The following AARS1 variants were observed in gnomAD, a reference collection of about 807,000 sequenced individuals.
AARS1 encodes the protein alanyl-tRNA synthetase 1.
A neutral mutation model predicts 108.9 loss-of-function variants in AARS1; 72 were observed. The observed-to-expected ratio is 0.66, with a 90% CI of 0.55 to 0.80. AARS1 has a LOEUF of 0.80. AARS1 is among the 30% of genes least tolerant of loss of function. AARS1 has a pLI of 0.00. For synonymous variants in AARS1, 489 were observed against 465.7 expected, an observed-to-expected ratio of 1.05 and a Z score of -0.64; for missense variants, 1,193 against 1,233.2, an observed-to-expected ratio of 0.97 and a Z score of 0.49.
At position 70,261,031 on chromosome 16, in the gene AARS1, T is replaced by C. The variant is rs1216638832; in HGVS notation, c.1785+13A>G. 1 of 1,598,584 alleles carries C rather than the reference T, an allele frequency of 6.3e-7. No homozygotes were observed. The highest frequency in any genetic ancestry group is 8.6e-7 in the Non-Finnish European group (1 of 1,166,506). ...TAACCAGATCCAATGGGGGCCACAG[T>C]AACCCAACTCACCTCATCAATAAAC... On this transcript the variant is annotated intron_variant, in intron 13 of 20. Coordinates refer to ENST00000261772, the MANE Select transcript of AARS1 (RefSeq NM_001605.3).
chr16:70,254,447 G>A, intron 17 of AARS1, 174 bp downstream of exon 17: 1 of 654,580 alleles, frequency 1.5e-6, no homozygotes, highest in South Asian at 1.7e-5. Context: ...AATGTCCAGG[G>A]TCCAAGGACA....
chr16:70,258,696 G>A (rs561549908), intron 14 of AARS1, among the ~76,000 whole-genome samples: 42 of 152,230 alleles, frequency 2.8e-4, no homozygotes, highest in Non-Finnish European at 5.3e-4. Context: ...CTCCTGAGTA[G>A]CTGGGACTAC....
chr16:70,271,925 C>T lies in AARS1; in HGVS notation c.527G>A (p.Trp176Ter). 6.2e-7 allele frequency: 1 copy of T among 1,614,126 alleles called. No individual in the cohort carries two copies. Among genetic ancestry groups the T allele is most frequent in the Non-Finnish European group, 8.5e-7 (1 of 1,180,030 alleles). The change falls in exon 5 of 21, where the codon TGG (tryptophan) becomes TAG (stop). Residue 176 changes from tryptophan to a stop codon, truncating the protein, a stop_gained. Coordinates refer to ENST00000261772, the MANE Select transcript of AARS1 (RefSeq NM_001605.3). LOFTEE classifies it high-confidence loss of function. ...ACAGGGGCCCGTGTCACCCATCTCC[C>T]AGAAGTTATCCTTCATGTTGCCTGG... ...ILPGNMKDNF[W>*]EMGDTGPCGP...
At chr16:70,259,407 A>T (rs1960080913) in intron 13 of AARS1, among the ~76,000 whole-genome samples, 1 of 152,202 alleles carries the variant, frequency 6.6e-6, no homozygotes, top group Non-Finnish European at 1.5e-5. Context: ...GGGATGGGGC[A>T]GGTCCTCCCA....
intron 4 of AARS1, among the ~76,000 whole-genome samples, chr16:70,272,698 G>A (rs181370972): frequency 1.3e-5 from 2 of 151,670 alleles, no homozygotes; most frequent in African/African-American, 4.8e-5. Context: ...CACGCGCATT[G>A]CTTGAGCTCA....
chr16:70,268,012 G>GA (rs1256369543), intron 8 of AARS1, among the ~76,000 whole-genome samples: 3 of 152,154 alleles, frequency 2.0e-5, no homozygotes, highest in Non-Finnish European at 4.4e-5. Flanking sequence ...TACTAAAACA[G>GA]AAAAGATTAG....
Position 70,265,600 on chromosome 16 carries a change from C to T in AARS1, c.1285G>A (p.Ala429Thr), listed in dbSNP as rs1446399906. 2.5e-6 allele frequency: 4 copies of T among 1,613,850 alleles called. No homozygotes were observed. Among genetic ancestry groups the T allele is most frequent in the Non-Finnish European group, 3.4e-6 (4 of 1,179,938 alleles). Residue 429 changes from alanine (A) to threonine (T), a missense_variant, in exon 10 of 21, where the codon GCT becomes ACT. Coordinates refer to ENST00000261772, the MANE Select transcript of AARS1 (RefSeq NM_001605.3). ...TCTACCACCAGGCCCTTCTCTTCAG[C>T]AATCAGTCCAGTCAGATCCACTGGA... The part of the protein sequence containing the change: ...GFPVDLTGLI[A>T]EEKGLVVDMD...
rs1171580366 is a variant in AARS1 at position 70,252,769 on chromosome 16, C to G, written c.2859G>C (p.Gln953His). 2 of 1,614,090 alleles carry G rather than the reference C, an allele frequency of 1.2e-6. No individual in the cohort carries two copies. Among genetic ancestry groups the G allele is most frequent in the South Asian group, 1.1e-5 (1 of 91,096 alleles). Reference sequence around the variant, plus strand: ...GCAGCTGGGCGAAGGAAGTGGCCAGCTGCAGCGCCTCCTGCAGGCAGCCAA... The same window carrying G: ...GCAGCTGGGCGAAGGAAGTGGCCAGGTGCAGCGCCTCCTGCAGGCAGCCAA... ...KNVGCLQEAL[Q>H]LATSFAQLRL... Residue 953 changes from glutamine (Q) to histidine (H), a missense_variant, in exon 21 of 21, where the codon CAG (glutamine) becomes CAC (histidine). By Grantham distance (24) the Gln-to-His change is conservative. Coordinates refer to ENST00000261772, the MANE Select transcript of AARS1 (RefSeq NM_001605.3).
In AARS1 at chr16:70,273,945, G is replaced by C. The variant is rs182672130; in HGVS notation, c.480-1973C>G. 2.0e-3 allele frequency among the ~76,000 whole-genome samples: 308 copies of C among 151,706 alleles called. 5 individuals carry two copies. The highest frequency in any genetic ancestry group is 7.0e-3 in the African/African-American group (289 of 41,372). The stretch of plus-strand genomic sequence containing the variant: ...CTAGTTACTCGGGAGGCTGAGGTGG[G>C]ACGATCGCCTGAGCTCAGGCAGTAA... On this transcript the variant is annotated intron_variant, in intron 4 of 20. Coordinates refer to ENST00000261772, the MANE Select transcript of AARS1 (RefSeq NM_001605.3).
chr16:70,277,758 C>CTT (rs573677725), intron 2 of AARS1, among the ~76,000 whole-genome samples: 20 of 137,816 alleles, frequency 1.5e-4, no homozygotes, highest in East Asian at 2.0e-4. Context: ...CCACTAGACA[C>CTT]TTTTTTTTTT....
intron 18 of AARS1, 57 bp downstream of exon 18, chr16:70,253,862 T>C: frequency 1.2e-6 from 2 of 1,614,228 alleles, no homozygotes; most frequent in Non-Finnish European, 1.7e-6. Context: ...AACCCCTGGC[T>C]GTTCTGCCAG....
At chr16:70,269,788 C>A (rs1960353808) in intron 6 of AARS1, 25 bp from the exon 7 acceptor site, 1 of 1,613,820 alleles carries the variant, frequency 6.2e-7, no homozygotes, top group East Asian at 2.2e-5. Context: ...CAGGAGGCAG[C>A]CCTTTAGGAA....
At chr16:70,261,312 T>A (rs1018918941) in intron 12 of AARS1, 155 bp from the exon 13 acceptor site, 1 of 559,306 alleles carries the variant, frequency 1.8e-6, no homozygotes, top group African/African-American at 1.9e-5. Flanking sequence ...TATGATTAAA[T>A]AGGCCAGGTG....
At chr16:70,265,428 G>GA in intron 10 of AARS1, 110 bp downstream of exon 10, 1 of 1,536,124 alleles carries the variant, frequency 6.5e-7, no homozygotes, top group Non-Finnish European at 9.0e-7. Context: ...TGATCTAGGG[G>GA]AAAAAGCACT....
chr16:70,268,344 C>T lies in AARS1; in HGVS notation c.998G>A (p.Arg333Gln), dbSNP rs778511459. The change falls in exon 8 of 21, where the codon CGA (arginine) becomes CAA (glutamine). Residue 333 changes from arginine (R) to glutamine (Q), a missense_variant. Coordinates refer to ENST00000261772, the MANE Select transcript of AARS1 (RefSeq NM_001605.3). ...VLRRILRRAVRYAHEKLNASR... is the reference protein window; with the variant it reads ...VLRRILRRAVQYAHEKLNASR... ...GGCATTGAGCTTTTCATGGGCGTAT[C>T]GGACAGCTCGGCGGAGAATCCGTCT... 7.4e-6 allele frequency: 12 copies of T among 1,613,994 alleles called. No homozygotes were observed. Among genetic ancestry groups the T allele is most frequent in the South Asian group, 3.3e-5 (3 of 91,084 alleles).
intron 2 of AARS1, among the ~76,000 whole-genome samples, chr16:70,279,304 T>C (rs1960631923): frequency 7.2e-6 from 1 of 138,412 alleles, no homozygotes; most frequent in African/African-American, 2.7e-5. Flanking sequence ...TGAGCTGAGA[T>C]TGCGTCACTG....
chr16:70,258,826 A>AT (rs1460510232), intron 14 of AARS1, among the ~76,000 whole-genome samples, 154 bp downstream of exon 14: 1 of 152,184 alleles, frequency 6.6e-6, no homozygotes, highest in African/African-American at 2.4e-5. Context: ...AAGTGCTGGG[A>AT]TTACAGGCGT....
At chr16:70,276,267 C>G (rs1163353688) in intron 4 of AARS1, 1 of 486,336 alleles carries the variant, frequency 2.1e-6, no homozygotes, top group Non-Finnish European at 3.7e-6. Context: ...AAGATAATTA[C>G]TCTGTCGCCC....
intron 17 of AARS1, 115 bp from the exon 18 acceptor site, chr16:70,254,153 A>G (rs1959920333): frequency 1.4e-6 from 2 of 1,456,266 alleles, no homozygotes; most frequent in Admixed American, 1.7e-5. Flanking sequence ...AAAGGAAAGC[A>G]AGGAAAGCTT....
Sources: allele counts gnomAD v4.1 joint callset (sites outside exome capture counted in the v4.1 genomes callset), GRCh38; gene constraint gnomAD v4.1.1; transcripts MANE v1.5; gene names NCBI Gene and HGNC (gene_info 2026-07-23, HGNC 2026-07-21).